CRYL1: variants seen among roughly 807,000 people sequenced by gnomAD.
CRYL1 encodes lambda-crystallin homolog.
In CRYL1, 29 loss-of-function variants were observed where a neutral mutation model predicts 36.6. The observed-to-expected ratio is 0.79, with a 90% CI of 0.59 to 1.08. The LOEUF (loss-of-function observed/expected upper bound fraction) is 1.08, where lower values mean the gene tolerates loss of function less well. CRYL1 is among the 50% of genes least tolerant of loss of function. CRYL1 has a pLI of 0.00. For missense variants in CRYL1, 411 were observed against 407.9 expected (o/e 1.01, Z -0.06); for synonymous variants, 152 against 151.5 (o/e 1.00, Z -0.02).
intron 5 of CRYL1, chr13:20,418,565 T>G (rs1288220675): frequency 6.6e-6 from 1 of 152,244 alleles, no homozygotes; most frequent in Admixed American, 6.5e-5. Flanking sequence ...ATTCCTAGAT[T>G]TAATTTTCTG....
intron 3 of CRYL1, among the ~76,000 whole-genome samples, chr13:20,459,187 G>A (rs9506490): frequency 0.035 from 4,856 of 138,008 alleles, 103 homozygotes; most frequent in Non-Finnish European, 0.057. Context: ...AGTAAGCCGA[G>A]TTCACGCCGC....
chr13:20,478,253 T>C (rs2033205253), intron 3 of CRYL1, among the ~76,000 whole-genome samples: 1 of 152,210 alleles, frequency 6.6e-6, no homozygotes, highest in African/African-American at 2.4e-5. Flanking sequence ...CTTATATTTA[T>C]ATTTTCTACT....
intron 5 of CRYL1, among the ~76,000 whole-genome samples, chr13:20,423,574 T>A (rs2031866275): frequency 1.3e-5 from 2 of 152,184 alleles, no homozygotes; most frequent in Non-Finnish European, 2.9e-5. Context: ...TAGATTTGCC[T>A]ATGGTAAAGT....
chr13:20,486,450 C>A (rs1316865072), intron 3 of CRYL1, among the ~76,000 whole-genome samples: 5 of 151,878 alleles, frequency 3.3e-5, no homozygotes, highest in Admixed American at 2.0e-4. Flanking sequence ...CTTCCTCCCA[C>A]ACAATCCTCC....
At chr13:20,424,273 C>A (rs1225510491) in intron 5 of CRYL1, among the ~76,000 whole-genome samples, 1 of 152,186 alleles carries the variant, frequency 6.6e-6, no homozygotes, top group African/African-American at 2.4e-5. Context: ...GCTCTAACGA[C>A]CCTGCAGTCC....
At chr13:20,450,508 C>T (rs1424045640) in intron 3 of CRYL1, among the ~76,000 whole-genome samples, 1 of 151,898 alleles carries the variant, frequency 6.6e-6, no homozygotes, top group Non-Finnish European at 1.5e-5. Context: ...AACTAGGAAA[C>T]ACCATTCTGA....
intron 5 of CRYL1, chr13:20,418,702 T>C (rs886644278): frequency 2.0e-5 from 3 of 152,224 alleles, no homozygotes; most frequent in African/African-American, 4.8e-5. Context: ...TTTGCTCTAC[T>C]TTTCCCCCAA....
chr13:20,465,300 A>G (rs1014539799), intron 3 of CRYL1, among the ~76,000 whole-genome samples: 8 of 152,188 alleles, frequency 5.3e-5, no homozygotes, highest in African/African-American at 1.9e-4. Flanking sequence ...GAAACCTGCA[A>G]CTACTCCCCA....
intron 2 of CRYL1, among the ~76,000 whole-genome samples, chr13:20,510,548 C>T (rs2033894445): frequency 1.3e-5 from 2 of 150,806 alleles, no homozygotes; most frequent in African/African-American, 2.4e-5. Context: ...TGTAATACTA[C>T]AAGGGTAGAT....
Position 20,525,196 on chromosome 13 carries a change from A to C in CRYL1, c.41+558T>G, listed in dbSNP as rs926510481. Reference sequence around the variant, plus strand: ...TCGCCCAGGAATTAGGACTGCGTGTATGTTCGCCTAACACCTGCTGCGGCC... The same window carrying C: ...TCGCCCAGGAATTAGGACTGCGTGTCTGTTCGCCTAACACCTGCTGCGGCC... On this transcript the variant is annotated intron_variant, in intron 1 of 7. Coordinates refer to ENST00000298248, the MANE Select transcript of CRYL1 (RefSeq NM_015974.3). This position sits in a 1 kb window ranked among gnomAD's most constrained non-coding sequence, Gnocchi z 4.3. Among the ~76,000 whole-genome samples the C allele has an allele frequency of 1.3e-5, 2 of 152,108 alleles. No homozygotes were observed. The highest frequency in any genetic ancestry group is 2.9e-5 in the Non-Finnish European group (2 of 68,008).
intron 4 of CRYL1, among the ~76,000 whole-genome samples, chr13:20,437,498 G>A (rs567894722): frequency 7.5e-4 from 114 of 152,070 alleles, no homozygotes; most frequent in African/African-American, 2.6e-3. Context: ...TAGTAGAGAC[G>A]GGGTTTCACC....
intron 3 of CRYL1, among the ~76,000 whole-genome samples, chr13:20,447,083 A>T (rs1377618121): frequency 6.6e-6 from 1 of 152,228 alleles, no homozygotes; most frequent in Admixed American, 6.5e-5. Context: ...CTTCTGGCAC[A>T]GGGCAACTGA....
intron 5 of CRYL1, among the ~76,000 whole-genome samples, chr13:20,417,832 C>T (rs1183228505): frequency 1.3e-5 from 2 of 152,152 alleles, no homozygotes; most frequent in Non-Finnish European, 2.9e-5. Context: ...TAGTTAATAA[C>T]GTACCCAACT....
rs2034087981 is a variant in CRYL1, at chr13:20,521,129, A to AAG, written c.41+4624_41+4625insCT. On this transcript the variant is annotated intron_variant, in intron 1 of 7. Coordinates refer to ENST00000298248, the MANE Select transcript of CRYL1 (RefSeq NM_015974.3). ...AAAAAAAAAAAAAAAAAAAAAGGAA[A>AAG]GAAAGAAAGAAGGAAGAAAGGAAGG... Among the ~76,000 whole-genome samples, 195 of 52,840 alleles carry AAG rather than the reference A, an allele frequency of 3.7e-3. 10 individuals carry two copies. The highest frequency in any genetic ancestry group is 0.016 in the Middle Eastern group (1 of 62). The allele number at this position is 52,840 out of a possible 152,430, so 34.7% of individuals were successfully genotyped here. A position where few individuals can be genotyped will look rare whatever the true frequency, so the allele number is the denominator to read the frequency against.
intron 3 of CRYL1, among the ~76,000 whole-genome samples, chr13:20,466,364 CA>C (rs2032932676): frequency 1.3e-5 from 2 of 152,112 alleles, no homozygotes; most frequent in African/African-American, 4.8e-5. Flanking sequence ...ACACTATAGA[CA>C]GGGGCAGCTG....
chr13:20,404,692 T>A lies in CRYL1; in HGVS notation c.789A>T (p.Leu263=). 2 of 1,614,112 alleles carry A rather than the reference T, an allele frequency of 1.2e-6. No individual in the cohort carries two copies. The highest frequency in any genetic ancestry group is 1.7e-6 in the Non-Finnish European group (2 of 1,179,936). Residue 263 remains leucine, a synonymous_variant, in exon 7 of 8, where the codon CTA becomes CTT. Coordinates refer to ENST00000298248, the MANE Select transcript of CRYL1 (RefSeq NM_015974.3). ...ACTCTGGAATGGGTCCAAAAGTCTG[T>A]AGGACATGTTTTATGCCTTCGCTGT... The part of the protein sequence containing the change: ...DRYSEGIKHV[L]QTFGPIPEFS...
intron 5 of CRYL1, among the ~76,000 whole-genome samples, chr13:20,420,710 T>TGTGTGTGG: frequency 8.1e-6 from 1 of 123,998 alleles, no homozygotes; most frequent in Non-Finnish European, 1.7e-5. Flanking sequence ...GTTGTGTGTG[T>TGTGTGTGG]GTGTGTGTGT....
At chr13:20,427,518 C>T (rs2031958316) in intron 5 of CRYL1, among the ~76,000 whole-genome samples, 1 of 152,050 alleles carries the variant, frequency 6.6e-6, no homozygotes, top group African/African-American at 2.4e-5. Flanking sequence ...CTTGTCATTC[C>T]CAGTGCTTTC....
At chr13:20,513,272 G>A (rs116154912) in intron 1 of CRYL1, among the ~76,000 whole-genome samples, 1,801 of 152,178 alleles carry the variant, frequency 0.012, 37 homozygotes, top group African/African-American at 0.041. Flanking sequence ...GGGTACCATG[G>A]AGACACAAGA....
Sources: allele counts gnomAD v4.1 joint callset (sites outside exome capture counted in the v4.1 genomes callset), GRCh38; gene constraint gnomAD v4.1.1; non-coding constraint Gnocchi (gnomAD v3.1); transcripts MANE v1.5; gene names NCBI Gene and HGNC (gene_info 2026-07-23, HGNC 2026-07-21).